The following ZNF821 variants were observed in gnomAD, a reference collection of about 807,000 sequenced individuals.
ZNF821 encodes zinc finger protein 821.
ZNF821 carries 16 observed loss-of-function variants against 44.3 expected under a neutral mutation model. The observed-to-expected ratio is 0.36, with a 90% CI of 0.24 to 0.55. The LOEUF is 0.55. Among genes scored for constraint, ZNF821 ranks in the 20% least tolerant of loss-of-function variants. The pLI is 0.86. For missense variants in ZNF821, 436 were observed against 547.6 expected, an observed-to-expected ratio of 0.80 and a Z score of 2.03; for synonymous variants, 204 against 197.6, an observed-to-expected ratio of 1.03 and a Z score of -0.27.
upstream of ZNF821, among the ~76,000 whole-genome samples, chr16:71,888,456 C>T (rs552472943): frequency 6.6e-6 from 1 of 152,038 alleles, no homozygotes; most frequent in African/African-American, 2.4e-5. Flanking sequence ...TGGTGTGAGG[C>T]CGGGGTGGGG....
intron 2 of ZNF821, among the ~76,000 whole-genome samples, chr16:71,881,060 C>G (rs1044404956): frequency 9.2e-5 from 14 of 152,302 alleles, no homozygotes; most frequent in Admixed American, 3.3e-4. Context: ...AAGGGATTGT[C>G]TTTCCTACCA....
At chr16:71,864,015 A>T in intron 6 of ZNF821, 123 bp downstream of exon 6, 4 of 846,048 alleles carry the variant, frequency 4.7e-6, no homozygotes, top group Non-Finnish European at 7.8e-6. Flanking sequence ...GACGAATCTT[A>T]ATAGAAGTGA....
rs2033624174 is a variant in ZNF821, at chr16:71,859,756, C to T, written c.*262G>A. On this transcript the variant is annotated 3_prime_UTR_variant, in exon 8 of 8. Coordinates refer to ENST00000425432, the MANE Select transcript of ZNF821 (RefSeq NM_001201552.2). ...CAGGGGCCCCACAGTCCTAGAAGCA[C>T]AGCCTGTGGCAGTGGGCTGGGGAGG... 6.1e-6 allele frequency: 3 copies of T among 494,958 alleles called. No individual in the cohort carries two copies. In the South Asian group the frequency reaches 1.1e-4, roughly 19 times the overall value. 30.7% of individuals were successfully genotyped at this position (494,958 alleles called of 1,614,324 possible).
Position 71,860,477 on chromosome 16 carries a change from T to C in ZNF821, c.780A>G (p.Leu260=), listed in dbSNP as rs1322351114. 10 of 1,614,174 alleles carry C rather than the reference T, an allele frequency of 6.2e-6. No homozygotes were observed. The highest frequency in any genetic ancestry group is 5.5e-5 in the South Asian group (5 of 91,080). Residue 260 remains leucine, a synonymous_variant, in exon 8 of 8, where the codon CTA becomes CTG. Coordinates refer to ENST00000425432, the MANE Select transcript of ZNF821 (RefSeq NM_001201552.2). The surrounding 1 kb of genome is among the most constrained non-coding windows in gnomAD (Gnocchi z 7.3). The stretch of plus-strand genomic sequence containing the variant: ...CTTCCAAAGGCTCATTCTGTCGACG[T>C]AGAGCCCACTTGCGTACACTGGGAG... ...AQTPSVRKWA[L]RRQNEPLEVR...
upstream of ZNF821, among the ~76,000 whole-genome samples, chr16:71,886,918 C>A (rs1011019893): frequency 1.3e-5 from 2 of 152,216 alleles, no homozygotes; most frequent in African/African-American, 4.8e-5. Flanking sequence ...ATTGATTATA[C>A]AGTATGGGAC....
chr16:71,887,534 T>A (rs2036866095), upstream of ZNF821, among the ~76,000 whole-genome samples: 1 of 152,232 alleles, frequency 6.6e-6, no homozygotes, highest in African/African-American at 2.4e-5. Context: ...GTGCTGGGAT[T>A]ACAGGCGTGA....
chr16:71,860,115 A>C lies in ZNF821; in HGVS notation c.1142T>G (p.Met381Arg). 6.2e-7 allele frequency: 1 copy of C among 1,614,186 alleles called. No individual in the cohort carries two copies. The highest frequency in any genetic ancestry group is 8.5e-7 in the Non-Finnish European group (1 of 1,180,036). Residue 381 changes from methionine to arginine, a missense_variant, in exon 8 of 8, where the codon ATG becomes AGG. Around this residue, in one of 5 missense-constraint regions of ZNF821, gnomAD observed 55 missense variants for 56.9 expected, o/e 0.97. Transcript: ENST00000425432. The surrounding 1 kb of genome is among the most constrained non-coding windows in gnomAD (Gnocchi z 7.3). ...PSAMAALAAEMNFFQLPVSGV... is the reference protein window; with the variant it reads ...PSAMAALAAERNFFQLPVSGV... The stretch of plus-strand genomic sequence containing the variant: ...ACTTACAGGCAGCTGGAAGAAGTTC[A>C]TTTCAGCTGCTAAGGCTGCCATGGC...
At chr16:71,872,312 A>G (rs2035293940) in intron 3 of ZNF821, among the ~76,000 whole-genome samples, 1 of 150,786 alleles carries the variant, frequency 6.6e-6, no homozygotes, top group Non-Finnish European at 1.5e-5. Flanking sequence ...CAGCTGGAAC[A>G]TTCTTTAAGA....
chr16:71,881,267 A>G (rs1270403198), intron 2 of ZNF821: 1 of 152,232 alleles, frequency 6.6e-6, no homozygotes, highest in Non-Finnish European at 1.5e-5. Context: ...TAACTCCTCT[A>G]TGTAGCTAGA....
At chr16:71,867,653 T>A (rs2034701838) in intron 4 of ZNF821, among the ~76,000 whole-genome samples, 1 of 151,196 alleles carries the variant, frequency 6.6e-6, no homozygotes, top group South Asian at 2.1e-4. Context: ...GCCAATGCAC[T>A]CCAGCCTGGG....
At position 71,860,878 on chromosome 16, in the gene ZNF821, CAG is replaced by C. The variant is rs1238845252; in HGVS notation, c.585-208_585-207del. Among the ~76,000 whole-genome samples the C allele has an allele frequency of 1.5e-5, 2 of 137,126 alleles. No homozygotes were observed. The highest frequency in any genetic ancestry group is 2.3e-4 in the South Asian group (1 of 4,300). 90.0% of individuals were successfully genotyped at this position (137,126 alleles called of 152,430 possible). ...CAACTTTTTTTTTTTTTTTTTGAGA[CAG>C]AGTCTTGCTCTGTCGCCCAGGCTGG... On this transcript the variant is annotated intron_variant, in intron 7 of 7. Coordinates refer to ENST00000425432, the MANE Select transcript of ZNF821 (RefSeq NM_001201552.2). This position sits in a 1 kb window ranked among gnomAD's most constrained non-coding sequence, Gnocchi z 7.3.
intron 3 of ZNF821, 133 bp downstream of exon 3, chr16:71,879,774 T>C (rs1440544290): frequency 1.2e-5 from 10 of 854,008 alleles, no homozygotes; most frequent in Non-Finnish European, 1.8e-5. Context: ...TCTCTTCTGC[T>C]CAGCAAACTG....
chr16:71,876,295 C>T (rs2035806870), intron 3 of ZNF821, among the ~76,000 whole-genome samples: 1 of 152,128 alleles, frequency 6.6e-6, no homozygotes, highest in Non-Finnish European at 1.5e-5. Context: ...CCTCTGCCTC[C>T]CGAGTTCAAG....
intron 6 of ZNF821, among the ~76,000 whole-genome samples, chr16:71,863,398 TC>T (rs1399964104): frequency 2.7e-5 from 3 of 112,890 alleles, no homozygotes; most frequent in African/African-American, 3.6e-5. Context: ...TGGAGCAGAA[TC>T]TCTTTTTTTT....
At chr16:71,861,134 G>A (rs1369699145) in intron 7 of ZNF821, among the ~76,000 whole-genome samples, 1 of 152,196 alleles carries the variant, frequency 6.6e-6, no homozygotes, top group Non-Finnish European at 1.5e-5. Context: ...GATTACAGGC[G>A]TGAGCCACTG....
chr16:71,864,335 C>T, intron 5 of ZNF821, 93 bp from the exon 6 acceptor site: 1 of 1,021,640 alleles, frequency 9.8e-7, no homozygotes, highest in South Asian at 1.3e-5. Context: ...TAAAAGGAAC[C>T]CAGACTGATG....
chr16:71,875,217 A>G (rs981391733), intron 3 of ZNF821, among the ~76,000 whole-genome samples: 2 of 152,104 alleles, frequency 1.3e-5, no homozygotes, highest in Non-Finnish European at 2.9e-5. Context: ...CTGTAACTTC[A>G]TTTATGCAAC....
At chr16:71,876,728 C>CT (rs1266124927) in intron 3 of ZNF821, among the ~76,000 whole-genome samples, 1 of 152,138 alleles carries the variant, frequency 6.6e-6, no homozygotes, top group Non-Finnish European at 1.5e-5. Context: ...CCACCTCTGT[C>CT]TCCCAAGTAG....
intron 3 of ZNF821, among the ~76,000 whole-genome samples, chr16:71,869,880 C>A (rs1348413400): frequency 6.6e-6 from 1 of 152,124 alleles, no homozygotes; most frequent in Non-Finnish European, 1.5e-5. Context: ...CAAGGGATCC[C>A]CCTACCTCGA....
Sources: gnomAD v4.1 joint callset for allele counts (sites outside exome capture counted in the v4.1 genomes callset) on GRCh38, gnomAD v4.1.1 for gene constraint, gnomAD v4.1.1 regional missense constraint, Gnocchi (gnomAD v3.1) non-coding constraint, MANE v1.5 for transcripts, NCBI Gene and HGNC (gene_info 2026-07-23, HGNC 2026-07-21) for gene names.